The following MACROD2 variants were observed in gnomAD, a reference collection of about 807,000 sequenced individuals.
MACROD2 encodes ADP-ribose glycohydrolase MACROD2.
MACROD2 carries 36 observed loss-of-function variants against 70.4 expected under a neutral mutation model. The observed-to-expected ratio is 0.51, with a 90% CI of 0.39 to 0.68. The LOEUF (loss-of-function observed/expected upper bound fraction) is 0.68. MACROD2 is among the 30% of genes least tolerant of loss of function. The probability of loss-of-function intolerance (pLI) is 0.00; values close to 1 mark genes in which losing one functional copy is unlikely to be tolerated. For synonymous variants in MACROD2, 172 were observed against 178.8 expected (o/e 0.96, Z 0.30); for missense variants, 496 against 538.4 (o/e 0.92, Z 0.78).
chr20:15,992,362 G>T (rs1263856166), intron 15 of MACROD2, among the ~76,000 whole-genome samples: 2 of 152,082 alleles, frequency 1.3e-5, no homozygotes, highest in Non-Finnish European at 2.9e-5. Context: ...TTGGTGTCAG[G>T]TTTATTTCTT....
At chr20:15,226,519 A>C (rs1407389155) in intron 5 of MACROD2, among the ~76,000 whole-genome samples, 1 of 152,210 alleles carries the variant, frequency 6.6e-6, no homozygotes, top group African/African-American at 2.4e-5. Context: ...CACTATGAAG[A>C]TGCTACAGTG....
chr20:14,105,474 A>G (rs571869437), intron 3 of MACROD2, among the ~76,000 whole-genome samples: 35 of 152,262 alleles, frequency 2.3e-4, no homozygotes, highest in Admixed American at 2.0e-3. Context: ...CCAGAGGCGA[A>G]TTGCCCATCC....
intron 5 of MACROD2, among the ~76,000 whole-genome samples, chr20:15,018,604 T>G (rs142575630): frequency 0.025 from 3,767 of 148,316 alleles, 93 homozygotes; most frequent in African/African-American, 0.058. Context: ...GATATATATA[T>G]AGAGAGACAG....
intron 8 of MACROD2, among the ~76,000 whole-genome samples, chr20:15,767,924 T>A (rs1309159568): frequency 6.6e-6 from 1 of 152,194 alleles, no homozygotes; most frequent in African/African-American, 2.4e-5. Flanking sequence ...TTAAGTAAAA[T>A]TTTTTCATCC....
In MACROD2 at chr20:15,431,298, G is replaced by T. The variant is rs1331453073; in HGVS notation, c.541-107G>T. 3.1e-6 allele frequency: 3 copies of T among 970,650 alleles called. No homozygotes were observed. In the Admixed American group the frequency reaches 5.6e-5, roughly 18 times the overall value. 60.1% of individuals were successfully genotyped at this position (970,650 alleles called of 1,614,324 possible). On this transcript the variant is annotated intron_variant, in intron 6 of 17. Transcript: ENST00000684519. Reference sequence around the variant, plus strand: ...TACTCCAACTCATAGCTCTGAATATGTAAGTAGAGGGCATCCCATTATCAA... The same window carrying T: ...TACTCCAACTCATAGCTCTGAATATTTAAGTAGAGGGCATCCCATTATCAA...
At position 15,948,382 on chromosome 20, in the gene MACROD2, C is replaced by CAAAAAAAAAAAAAAAAA. The variant is rs71192307; in HGVS notation, c.907+10852_907+10868dup. ...TTCACTCTATTAAATCTTGCAACTG[C>CAAAAAAAAAAAAAAAAA]AAAAAAAAAAAAAAAAAAAAAAAAA... On this transcript the variant is annotated intron_variant, in intron 12 of 17. Transcript: ENST00000684519. Among the ~76,000 whole-genome samples, 41 of 43,122 alleles carry CAAAAAAAAAAAAAAAAA rather than the reference C, an allele frequency of 9.5e-4. 1 individual carries two copies. The highest frequency in any genetic ancestry group is 1.3e-3 in the East Asian group (2 of 1,568). 28.3% of individuals were successfully genotyped at this position (43,122 alleles called of 152,430 possible).
intron 5 of MACROD2, among the ~76,000 whole-genome samples, chr20:15,159,260 C>G (rs431713): frequency 0.59 from 89,649 of 151,812 alleles, 26,598 homozygotes; most frequent in East Asian, 0.65. Flanking sequence ...GAAAGTATGA[C>G]CTTTAGGAAA....
chr20:15,638,501 C>G (rs1179295384), intron 8 of MACROD2, among the ~76,000 whole-genome samples: 1 of 152,142 alleles, frequency 6.6e-6, no homozygotes, highest in African/African-American at 2.4e-5. Flanking sequence ...AAAAGAACTG[C>G]AAGTCATTAG....
intron 7 of MACROD2, among the ~76,000 whole-genome samples, chr20:15,469,973 G>A (rs1449311150): frequency 1.3e-5 from 2 of 152,166 alleles, no homozygotes; most frequent in African/African-American, 4.8e-5. Context: ...CAACTTAGTT[G>A]TCAACTTGAC....
chr20:14,121,260 C>G (rs2054585500), intron 3 of MACROD2, among the ~76,000 whole-genome samples: 1 of 152,164 alleles, frequency 6.6e-6, no homozygotes, highest in Admixed American at 6.5e-5. Flanking sequence ...AAGGATAATC[C>G]AGGCCAAATG....
chr20:14,945,325 G>A (rs567301003), intron 5 of MACROD2, among the ~76,000 whole-genome samples: 47 of 152,096 alleles, frequency 3.1e-4, no homozygotes, highest in East Asian at 2.1e-3. Flanking sequence ...TAATCTGCCC[G>A]TCTTGGCCTC....
intron 9 of MACROD2, among the ~76,000 whole-genome samples, chr20:15,876,109 A>ATATATATGTATG (rs57817982): frequency 0.56 from 69,007 of 124,250 alleles, 21,771 homozygotes; most frequent in Non-Finnish European, 0.68. Flanking sequence ...ATATATATAT[A>ATATATATGTATG]TATGTGTGTA....
At chr20:15,492,737 G>A (rs1051197172) in intron 7 of MACROD2, among the ~76,000 whole-genome samples, 6 of 152,262 alleles carry the variant, frequency 3.9e-5, no homozygotes, top group African/African-American at 1.4e-4. Context: ...TTTTGAGGGT[G>A]TGCACGTGAA....
intron 7 of MACROD2, among the ~76,000 whole-genome samples, chr20:15,467,251 C>T (rs1441053212): frequency 2.6e-5 from 4 of 152,192 alleles, no homozygotes; most frequent in Non-Finnish European, 4.4e-5. Context: ...AAGCCAACTC[C>T]GAAGTGTATG....
chr20:14,100,745 TATATA>T (rs1480559556), intron 3 of MACROD2, among the ~76,000 whole-genome samples: 127 of 133,294 alleles, frequency 9.5e-4, no homozygotes, highest in Middle Eastern at 3.9e-3. Context: ...ATAAATATAA[TATATA>T]ATATATAAAA....
chr20:14,364,703 T>C (rs1308898659), intron 3 of MACROD2, among the ~76,000 whole-genome samples: 3 of 152,236 alleles, frequency 2.0e-5, no homozygotes, highest in African/African-American at 7.2e-5. Flanking sequence ...ATGGGAATTG[T>C]ACCGTATATG....
At chr20:14,512,052 C>T (rs1341552994) in intron 4 of MACROD2, among the ~76,000 whole-genome samples, 2 of 152,000 alleles carry the variant, frequency 1.3e-5, no homozygotes, top group African/African-American at 2.4e-5. Flanking sequence ...ATTCCTTGGG[C>T]TGTCAAGAGT....
At chr20:14,181,839 A>G (rs780661886) in intron 3 of MACROD2, among the ~76,000 whole-genome samples, 1 of 152,218 alleles carries the variant, frequency 6.6e-6, no homozygotes, top group Non-Finnish European at 1.5e-5. Flanking sequence ...TTTGATGGCC[A>G]AATACTATTC....
chr20:14,432,149 G>A (rs572636158), intron 3 of MACROD2, among the ~76,000 whole-genome samples: 1 of 152,284 alleles, frequency 6.6e-6, no homozygotes, highest in East Asian at 1.9e-4. Flanking sequence ...CTCGCCTGCT[G>A]TTATCACGGC....
Sources: gnomAD v4.1 joint callset for allele counts (sites outside exome capture counted in the v4.1 genomes callset) on GRCh38, gnomAD v4.1.1 for gene constraint, MANE v1.5 for transcripts, NCBI Gene and HGNC (gene_info 2026-07-23, HGNC 2026-07-21) for gene names.